B3GLCT: variants seen among roughly 807,000 people sequenced by gnomAD.
The protein encoded by B3GLCT is beta-1,3-glucosyltransferase.
Under a neutral mutation model 63.4 loss-of-function variants are expected in B3GLCT, and 65 were observed. That is an observed-to-expected ratio of 1.03 (90% CI 0.84 to 1.26). B3GLCT has a LOEUF of 1.26. Ranked by LOEUF, B3GLCT falls within the 50% of genes most tolerant of loss-of-function variation. The probability of loss-of-function intolerance (pLI) is 0.00; values close to 1 mark genes in which losing one functional copy is unlikely to be tolerated. For synonymous variants in B3GLCT, 233 were observed against 219.2 expected, an observed-to-expected ratio of 1.06 and a Z score of -0.55; for missense variants, 577 against 604.8, an observed-to-expected ratio of 0.95 and a Z score of 0.48.
intron 12 of B3GLCT, among the ~76,000 whole-genome samples, chr13:31,294,848 C>T (rs1451811933): frequency 6.6e-6 from 1 of 152,006 alleles, no homozygotes; most frequent in African/African-American, 2.4e-5. Context: ...GTTTTGTTCC[C>T]TTGCTGGTGA....
At chr13:31,301,169 A>T (rs1593308077) in intron 12 of B3GLCT, among the ~76,000 whole-genome samples, 1 of 152,330 alleles carries the variant, frequency 6.6e-6, no homozygotes, top group East Asian at 1.9e-4. Flanking sequence ...TGTAGCAAGG[A>T]AGTAAATGCC....
intron 1 of B3GLCT, among the ~76,000 whole-genome samples, chr13:31,208,629 C>G (rs548717843): frequency 5.5e-4 from 76 of 138,430 alleles, no homozygotes; most frequent in Non-Finnish European, 8.6e-4. Flanking sequence ...GCCCCCCCCC[C>G]CCGCTCACTG....
intron 13 of B3GLCT, among the ~76,000 whole-genome samples, chr13:31,320,458 A>G (rs544985407): frequency 4.0e-5 from 6 of 151,620 alleles, no homozygotes; most frequent in Non-Finnish European, 7.4e-5. Context: ...CTGTCTTGCT[A>G]CTCCCCTAGC....
chr13:31,324,623 C>CT lies in B3GLCT; in HGVS notation c.1329+729dup, dbSNP rs567910473. ...AGATCCATACCCATCTAATATCCTC[C>CT]TCAAGAAATTTAAAGTTTTTGAAAC... On this transcript the variant is annotated intron_variant, in intron 14 of 14. Transcript: ENST00000343307. 4.6e-3 allele frequency among the ~76,000 whole-genome samples: 693 copies of CT among 152,290 alleles called. 7 individuals carry two copies. Among genetic ancestry groups the CT allele is most frequent in the African/African-American group, 0.016 (666 of 41,548 alleles).
chr13:31,308,347 T>TAAAAAAAAAAAAAAAA (rs1169835730), intron 12 of B3GLCT, among the ~76,000 whole-genome samples: 7 of 23,684 alleles, frequency 3.0e-4, no homozygotes, highest in Non-Finnish European at 4.7e-4. Context: ...AAAAAAAAAT[T>TAAAAAAAAAAAAAAAA]AAAAAAAAAA....
chr13:31,269,377 C>A, intron 8 of B3GLCT, 100 bp downstream of exon 8: 1 of 784,266 alleles, frequency 1.3e-6, no homozygotes, highest in Non-Finnish European at 2.2e-6. Flanking sequence ...ATTTTCCCCA[C>A]CCACATCTAC....
chr13:31,214,925 T>C (rs1869472833), intron 1 of B3GLCT, 126 bp from the exon 2 acceptor site: 2 of 928,720 alleles, frequency 2.2e-6, no homozygotes, highest in Non-Finnish European at 3.2e-6. Context: ...ATGCAGCTGC[T>C]TAAAAATGAG....
At chr13:31,282,497 C>G (rs1593295128) in intron 10 of B3GLCT, among the ~76,000 whole-genome samples, 2 of 151,926 alleles carry the variant, frequency 1.3e-5, no homozygotes, top group East Asian at 3.9e-4. Flanking sequence ...AAAAAATTAG[C>G]CGGGCGTGGT....
chr13:31,310,228 C>G (rs764858093), intron 12 of B3GLCT, among the ~76,000 whole-genome samples: 4 of 152,192 alleles, frequency 2.6e-5, no homozygotes, highest in Non-Finnish European at 4.4e-5. Context: ...GACTACCTGC[C>G]TTAGTTAGGG....
chr13:31,269,304 A>T, intron 8 of B3GLCT, 27 bp downstream of exon 8: 1 of 1,512,258 alleles, frequency 6.6e-7, no homozygotes, highest in Non-Finnish European at 9.2e-7. Context: ...TTGATTAAAA[A>T]TCTTACTAAT....
At chr13:31,205,428 G>A (rs12427936) in intron 1 of B3GLCT, among the ~76,000 whole-genome samples, 36,390 of 151,780 alleles carry the variant, frequency 0.24, 4,713 homozygotes, top group East Asian at 0.44. Context: ...GCATGGTGGC[G>A]TGTGTTTGTA....
intron 2 of B3GLCT, among the ~76,000 whole-genome samples, chr13:31,219,311 C>T (rs946235542): frequency 2.6e-5 from 4 of 152,094 alleles, no homozygotes; most frequent in African/African-American, 7.2e-5. Context: ...TCAATAAATG[C>T]GATTCATCAC....
chr13:31,262,570 G>A (rs1872090468), intron 7 of B3GLCT, among the ~76,000 whole-genome samples: 1 of 149,174 alleles, frequency 6.7e-6, no homozygotes, highest in Admixed American at 6.7e-5. Context: ...CAGCAGCCTT[G>A]GGTCGTGTTT....
At chr13:31,215,946 T>G (rs1006800960) in intron 2 of B3GLCT, among the ~76,000 whole-genome samples, 1 of 152,124 alleles carries the variant, frequency 6.6e-6, no homozygotes, top group Non-Finnish European at 1.5e-5. Flanking sequence ...TATCCCAATC[T>G]CAGAGCTGCT....
chr13:31,304,207 C>G, intron 12 of B3GLCT, among the ~76,000 whole-genome samples: 1 of 59,782 alleles, frequency 1.7e-5, no homozygotes, highest in African/African-American at 7.5e-5. Context: ...CAACCGGTAC[C>G]AGCCGCTGCA....
At chr13:31,325,176 G>A (rs1875544303) in intron 14 of B3GLCT, among the ~76,000 whole-genome samples, 1 of 152,132 alleles carries the variant, frequency 6.6e-6, no homozygotes, top group Non-Finnish European at 1.5e-5. Context: ...AATAAGAGAG[G>A]ATAAAAAGAG....
intron 3 of B3GLCT, among the ~76,000 whole-genome samples, chr13:31,226,955 G>A (rs1044853325): frequency 5.3e-5 from 8 of 152,036 alleles, no homozygotes; most frequent in Non-Finnish European, 1.2e-4. Flanking sequence ...TCATACTCAT[G>A]TAATCTTTTA....
At chr13:31,223,769 G>A (rs1228371919) in intron 3 of B3GLCT, among the ~76,000 whole-genome samples, 1 of 152,108 alleles carries the variant, frequency 6.6e-6, no homozygotes, top group Non-Finnish European at 1.5e-5. Flanking sequence ...AACACAATCA[G>A]CCAGGACCTG....
chr13:31,327,476 T>C (rs1310316567), intron 14 of B3GLCT, among the ~76,000 whole-genome samples: 1 of 152,206 alleles, frequency 6.6e-6, no homozygotes, highest in African/African-American at 2.4e-5. Flanking sequence ...ACTTAAAACT[T>C]AGGAATTGTG....
Sources: gnomAD v4.1 joint callset for allele counts (sites outside exome capture counted in the v4.1 genomes callset) on GRCh38, gnomAD v4.1.1 for gene constraint, MANE v1.5 for transcripts, NCBI Gene and HGNC (gene_info 2026-07-23, HGNC 2026-07-21) for gene names.